TTC23: variants seen among roughly 807,000 people sequenced by gnomAD.
TTC23 encodes tetratricopeptide repeat domain 23.
TTC23 carries 58 observed loss-of-function variants against 55.1 expected under a neutral mutation model. The observed-to-expected ratio is 1.05, with a 90% CI of 0.85 to 1.31. The LOEUF is 1.31. TTC23 is among the 50% of genes most tolerant of loss of function. The pLI is 0.00. For synonymous variants in TTC23, 203 were observed against 199.9 expected (o/e 1.02, Z -0.13); for missense variants, 516 against 534.4 (o/e 0.97, Z 0.34).
At chr15:99,237,154 G>A (rs2079392188) in intron 3 of TTC23, among the ~76,000 whole-genome samples, 1 of 151,796 alleles carries the variant, frequency 6.6e-6, no homozygotes, top group South Asian at 2.1e-4. Flanking sequence ...GCTAACTTTT[G>A]TATTTTTAGT....
At chr15:99,208,333 A>C (rs1325579179) in intron 8 of TTC23, among the ~76,000 whole-genome samples, 1 of 152,116 alleles carries the variant, frequency 6.6e-6, no homozygotes, top group Non-Finnish European at 1.5e-5. Context: ...AAAAACACTA[A>C]ATTTCAGCAT....
intron 8 of TTC23, among the ~76,000 whole-genome samples, chr15:99,201,395 T>C (rs2076185631): frequency 6.6e-6 from 1 of 152,190 alleles, no homozygotes; most frequent in South Asian, 2.1e-4. Context: ...CCTCCTATGT[T>C]GCCCTCCACT....
At chr15:99,241,337 C>CA (rs927207488) in intron 3 of TTC23, 28 bp downstream of exon 3, 1 of 152,932 alleles carries the variant, frequency 6.5e-6, no homozygotes, top group Non-Finnish European at 1.5e-5. Flanking sequence ...AACAAACAAA[C>CA]AAAAAACATG....
chr15:99,167,653 C>T (rs1444648802), intron 10 of TTC23, among the ~76,000 whole-genome samples: 1 of 152,128 alleles, frequency 6.6e-6, no homozygotes, highest in Non-Finnish European at 1.5e-5. Context: ...GGCTTCATCC[C>T]AAGAGCAAGA....
chr15:99,154,076 A>G (rs1276543735), intron 12 of TTC23, among the ~76,000 whole-genome samples: 1 of 152,236 alleles, frequency 6.6e-6, no homozygotes, highest in Non-Finnish European at 1.5e-5. Flanking sequence ...TAAAAGAAAT[A>G]GAGAAAATTG....
chr15:99,192,801 G>A (rs573554931), intron 9 of TTC23, among the ~76,000 whole-genome samples: 12 of 152,256 alleles, frequency 7.9e-5, no homozygotes, highest in East Asian at 3.9e-4. Context: ...AGTTTGCACC[G>A]TGTGCCTGGA....
chr15:99,243,807 G>A (rs2080008108), intron 2 of TTC23, among the ~76,000 whole-genome samples: 2 of 152,174 alleles, frequency 1.3e-5, no homozygotes, highest in African/African-American at 4.8e-5. Flanking sequence ...GTAGAATGAT[G>A]ATTACCAGAA....
rs1387001819 is a variant in TTC23 at position 99,221,868 on chromosome 15, T to C, written c.181-4A>G. On this transcript the variant is annotated splice_region_variant and splice_polypyrimidine_tract_variant and intron_variant, in intron 5 of 13. Coordinates refer to ENST00000394132, the MANE Select transcript of TTC23 (RefSeq NM_001288615.3). ...GCTCATGGACGGCCTGTTTGTACTG[T>C]TAGGAAGAGAAAACAGGCTTACCAG... 1.2e-6 allele frequency: 2 copies of C among 1,613,608 alleles called. No individual in the cohort carries two copies. The highest frequency in any genetic ancestry group is 1.7e-6 in the Non-Finnish European group (2 of 1,179,720).
Position 99,246,887 on chromosome 15 carries a change from A to C in TTC23, c.-430-1377T>G, listed in dbSNP as rs562258974. Among the ~76,000 whole-genome samples, 5 of 152,282 alleles carry C rather than the reference A, an allele frequency of 3.3e-5. No homozygotes were observed. In the South Asian group the frequency reaches 6.2e-4, roughly 19 times the overall value. On this transcript the variant is annotated intron_variant, in intron 1 of 13. Transcript: ENST00000394132. ...GTGGGCCGAGATCGTGGCACTCTGC[A>C]CTCCAGCCTGAGCGACAAAGCGAGA...
At chr15:99,222,209 T>C (rs2078000208) in intron 5 of TTC23, among the ~76,000 whole-genome samples, 1 of 152,208 alleles carries the variant, frequency 6.6e-6, no homozygotes, top group African/African-American at 2.4e-5. Context: ...AGCTACTACA[T>C]ATGCAGGCAC....
chr15:99,242,724 G>A (rs561895019), intron 2 of TTC23, among the ~76,000 whole-genome samples: 2 of 152,188 alleles, frequency 1.3e-5, no homozygotes, highest in East Asian at 3.9e-4. Context: ...GTAGAATGTG[G>A]TCACAAACCA....
At position 99,156,312 on chromosome 15, in the gene TTC23, A is replaced by G; in HGVS notation, c.994-15T>C. ...GAGGTTGCTCTCTGTGAAAGGAACA[A>G]AAAGCTATCTGGTTAACAAGCTCAA... On this transcript the variant is annotated splice_polypyrimidine_tract_variant and intron_variant, in intron 11 of 13. Coordinates refer to ENST00000394132, the MANE Select transcript of TTC23 (RefSeq NM_001288615.3). The G allele has an allele frequency of 2.5e-6, 4 of 1,612,718 alleles. No homozygotes were observed. The highest frequency in any genetic ancestry group is 3.4e-6 in the Non-Finnish European group (4 of 1,179,080).
At chr15:99,161,969 T>C in intron 10 of TTC23, 102 bp from the exon 11 acceptor site, 3 of 1,290,700 alleles carry the variant, frequency 2.3e-6, no homozygotes, top group Non-Finnish European at 3.1e-6. Context: ...TGGAAAGAGG[T>C]ATTGGGACAA....
chr15:99,230,577 T>C (rs774616763), intron 4 of TTC23, among the ~76,000 whole-genome samples: 35 of 152,102 alleles, frequency 2.3e-4, no homozygotes, highest in Non-Finnish European at 4.3e-4. Flanking sequence ...ACAAATTGCT[T>C]AAAACTATGA....
intron 4 of TTC23, among the ~76,000 whole-genome samples, chr15:99,234,295 G>A (rs1046314578): frequency 6.6e-6 from 1 of 152,156 alleles, no homozygotes; most frequent in African/African-American, 2.4e-5. Context: ...TATCTTACTG[G>A]TATAAAGAAC....
At chr15:99,168,002 G>A (rs909574072) in intron 10 of TTC23, among the ~76,000 whole-genome samples, 2 of 152,172 alleles carry the variant, frequency 1.3e-5, no homozygotes, top group African/African-American at 4.8e-5. Context: ...GCTGCTGTTC[G>A]AGTCTGCTAG....
intron 9 of TTC23, among the ~76,000 whole-genome samples, chr15:99,188,175 G>T (rs188504218): frequency 6.6e-6 from 1 of 152,064 alleles, no homozygotes; most frequent in East Asian, 1.9e-4. Context: ...AAGGAATGAA[G>T]AATTGATACA....
chr15:99,208,442 T>C (rs1302992028), intron 8 of TTC23, among the ~76,000 whole-genome samples: 1 of 152,176 alleles, frequency 6.6e-6, no homozygotes, highest in Non-Finnish European at 1.5e-5. Context: ...TAGTAGTGTG[T>C]ATACTATTCT....
At chr15:99,215,693 A>T (rs1252475588) in intron 8 of TTC23, among the ~76,000 whole-genome samples, 1 of 152,058 alleles carries the variant, frequency 6.6e-6, no homozygotes, top group Non-Finnish European at 1.5e-5. Context: ...GCTGCTGTGA[A>T]CCATGACCCC....
Sources: allele counts gnomAD v4.1 joint callset (sites outside exome capture counted in the v4.1 genomes callset), GRCh38; gene constraint gnomAD v4.1.1; transcripts MANE v1.5; gene names NCBI Gene and HGNC (gene_info 2026-07-23, HGNC 2026-07-21).